The following NCMAP variants were observed in gnomAD, a reference collection of about 807,000 sequenced individuals.
NCMAP encodes noncompact myelin-associated protein.
NCMAP carries 8 observed loss-of-function variants against 7.8 expected under a neutral mutation model. The observed-to-expected ratio is 1.02, with a 90% CI of 0.60 to 1.84. The LOEUF is 1.84. Among genes scored for constraint, NCMAP ranks in the 40% most tolerant of loss-of-function variants. The pLI is 0.00. For missense variants in NCMAP, 112 were observed against 131.4 expected, an observed-to-expected ratio of 0.85 and a Z score of 0.72; for synonymous variants, 41 against 52.9, an observed-to-expected ratio of 0.78 and a Z score of 0.98.
At chr1:24,564,403 G>A (rs1235035720) in intron 1 of NCMAP, among the ~76,000 whole-genome samples, 8 of 150,932 alleles carry the variant, frequency 5.3e-5, no homozygotes, top group African/African-American at 1.2e-4. Flanking sequence ...CCAGCTACTC[G>A]GGAGGCTGAG....
At chr1:24,568,395 A>G (rs111417438) in intron 1 of NCMAP, among the ~76,000 whole-genome samples, 8 of 151,640 alleles carry the variant, frequency 5.3e-5, no homozygotes, top group African/African-American at 1.9e-4. Flanking sequence ...TTCCTCCCTC[A>G]CCTTACTGAC....
chr1:24,570,274 T>A (rs1651350384), intron 1 of NCMAP, among the ~76,000 whole-genome samples: 1 of 150,714 alleles, frequency 6.6e-6, no homozygotes, highest in Non-Finnish European at 1.5e-5. Context: ...ATATGCTTTT[T>A]GCTTAGAAAC....
At chr1:24,593,748 C>T (rs1652122013) in intron 1 of NCMAP, among the ~76,000 whole-genome samples, 1 of 152,048 alleles carries the variant, frequency 6.6e-6, no homozygotes, top group African/African-American at 2.4e-5. Context: ...AATGTAGACC[C>T]TTCGTGGGCT....
In NCMAP at chr1:24,570,767, G is replaced by A. The variant is rs1292845264; in HGVS notation, c.-8+14598G>A. On this transcript the variant is annotated intron_variant, in intron 1 of 3. Transcript: ENST00000374392. ...CCTCCTGGTGATGCAGACCACACAT[G>A]GGGGGAAGGTACATGCCAGGTGCCC... 4.6e-5 allele frequency among the ~76,000 whole-genome samples: 7 copies of A among 150,974 alleles called. 2 individuals are homozygous for A. Among genetic ancestry groups the A allele is most frequent in the African/African-American group, 1.7e-4 (7 of 40,236 alleles).
At chr1:24,589,290 CGTTTGATACTGAA>C (rs111912230) in intron 1 of NCMAP, among the ~76,000 whole-genome samples, 2,098 of 151,846 alleles carry the variant, frequency 0.014, 54 homozygotes, top group African/African-American at 0.048. Flanking sequence ...GTCTTAGGGA[CGTTTGATACTGAA>C]GTGCTCCTGC....
chr1:24,577,268 T>C (rs1157041454), intron 1 of NCMAP, among the ~76,000 whole-genome samples: 3 of 152,134 alleles, frequency 2.0e-5, no homozygotes. Flanking sequence ...AACTCATTAA[T>C]AACAAACACT....
Position 24,597,617 on chromosome 1 carries a change from G to GAA in NCMAP, c.82+2106_82+2107insAA, listed in dbSNP as rs1322815675. Among the ~76,000 whole-genome samples the GAA allele has an allele frequency of 2.0e-3, 173 of 87,516 alleles. 3 individuals are homozygous for GAA. Among genetic ancestry groups the GAA allele is most frequent in the African/African-American group, 6.6e-3 (141 of 21,208 alleles). The allele number at this position is 87,516 out of a possible 152,430, so 57.4% of individuals were successfully genotyped here. On this transcript the variant is annotated intron_variant, in intron 2 of 3. Transcript: ENST00000374392. ...AAGAAGAAAGAAAGAAAGAAAGAAA[G>GAA]AGAAAGAAAGAAAGAAAGAAAGAAA...
intron 1 of NCMAP, among the ~76,000 whole-genome samples, chr1:24,594,823 C>T (rs183282313): frequency 4.5e-4 from 69 of 152,160 alleles, no homozygotes; most frequent in African/African-American, 1.6e-3. Context: ...CCAAGGAGGT[C>T]GAGGCTGCAG....
intron 1 of NCMAP, among the ~76,000 whole-genome samples, chr1:24,575,735 C>A (rs1014737940): frequency 6.6e-6 from 1 of 151,858 alleles, no homozygotes; most frequent in Non-Finnish European, 1.5e-5. Context: ...CACCTGAGGT[C>A]AGGAGTTTGA....
At chr1:24,590,056 T>G (rs1443734506) in intron 1 of NCMAP, among the ~76,000 whole-genome samples, 2 of 152,156 alleles carry the variant, frequency 1.3e-5, no homozygotes, top group Non-Finnish European at 2.9e-5. Context: ...CGCCTTGGCC[T>G]CCCAAAGTGC....
intron 1 of NCMAP, among the ~76,000 whole-genome samples, chr1:24,562,900 G>T (rs888755990): frequency 1.3e-5 from 2 of 152,214 alleles, no homozygotes; most frequent in African/African-American, 4.8e-5. Flanking sequence ...GAAGCTTCCT[G>T]CCCTGGGGCT....
intron 2 of NCMAP, among the ~76,000 whole-genome samples, chr1:24,599,768 G>C (rs1307481515): frequency 7.2e-6 from 1 of 138,626 alleles, no homozygotes; most frequent in Non-Finnish European, 1.5e-5. Context: ...AGTAGAGACA[G>C]GGTTTCCCCA....
At position 24,605,591 on chromosome 1, in the gene NCMAP, A is replaced by T; in HGVS notation, c.168-15A>T. ...AGGGGAAAGACTCAACCATGTGCAC[A>T]TTATCTCCCTACAGGAAAATGAGGA... is the stretch of plus-strand genomic sequence containing the variant. On this transcript the variant is annotated splice_polypyrimidine_tract_variant and intron_variant, in intron 3 of 3. Transcript: ENST00000374392. 6.2e-7 allele frequency: 1 copy of T among 1,613,886 alleles called. No individual in the cohort carries two copies. Among genetic ancestry groups the T allele is most frequent in the Non-Finnish European group, 8.5e-7 (1 of 1,179,798 alleles).
intron 1 of NCMAP, among the ~76,000 whole-genome samples, chr1:24,567,805 G>A (rs1651271087): frequency 6.6e-6 from 1 of 152,158 alleles, no homozygotes; most frequent in African/African-American, 2.4e-5. Context: ...CAAACCTTGG[G>A]AAAACTCAAT....
In NCMAP at chr1:24,590,199, T is replaced by C. The variant is rs890991385; in HGVS notation, c.-7-5225T>C. On this transcript the variant is annotated intron_variant, in intron 1 of 3. Coordinates refer to ENST00000374392, the MANE Select transcript of NCMAP (RefSeq NM_001010980.5). ...GCATTTTGCTAGTTGAATCAGGGCATGGATAGAAAATATCTGTCACAAGGT... is the reference window on the plus strand; with the variant it reads ...GCATTTTGCTAGTTGAATCAGGGCACGGATAGAAAATATCTGTCACAAGGT... Among the ~76,000 whole-genome samples, 7 of 152,216 alleles carry C rather than the reference T, an allele frequency of 4.6e-5. No individual in the cohort carries two copies. In the South Asian group the frequency reaches 1.2e-3, roughly 27 times the overall value.
chr1:24,597,617 G>GAAAGGA (rs1322815675), intron 2 of NCMAP, among the ~76,000 whole-genome samples: 4 of 87,482 alleles, frequency 4.6e-5, no homozygotes, highest in African/African-American at 1.4e-4. Context: ...AAGAAAGAAA[G>GAAAGGA]AGAAAGAAAG....
At position 24,607,542 on chromosome 1, in the gene NCMAP, T is replaced by C. The variant is rs1441562655; in HGVS notation, c.*1795T>C. On this transcript the variant is annotated 3_prime_UTR_variant, in exon 4 of 4. Coordinates refer to ENST00000374392, the MANE Select transcript of NCMAP (RefSeq NM_001010980.5). ...CACACTTTGACATTTAACCTCAAAT[T>C]TTAGGAGTCTCTCCCTCTTGGGGTC... is the stretch of plus-strand genomic sequence containing the variant. The C allele has an allele frequency of 6.6e-6, 1 of 152,166 alleles. No individual in the cohort carries two copies. Among genetic ancestry groups the C allele is most frequent in the African/African-American group, 2.4e-5 (1 of 41,426 alleles). The allele number at this position is 152,166 out of a possible 1,614,324, so 9.4% of individuals were successfully genotyped here.
In NCMAP at chr1:24,595,454, G is replaced by A; in HGVS notation, c.24G>A (p.Gly8=). 6.2e-7 allele frequency: 1 copy of A among 1,613,936 alleles called. No individual in the cohort carries two copies. Among genetic ancestry groups the A allele is most frequent in the East Asian group, 2.2e-5 (1 of 44,882 alleles). ...AGATGACCACAGCCACCCCTCTGGG[G>A]GATACCACCTTCTTCTCACTGAACA... is the stretch of plus-strand genomic sequence containing the variant. MTTATPL[G]DTTFFSLNMT... Residue 8 remains glycine, a synonymous_variant, in exon 2 of 4, where the codon GGG becomes GGA. Transcript: ENST00000374392.
At chr1:24,601,937 A>C (rs9659347) in intron 3 of NCMAP, among the ~76,000 whole-genome samples, 4,522 of 151,990 alleles carry the variant, frequency 0.03, 231 homozygotes, top group African/African-American at 0.1. Flanking sequence ...GCTACTCGGG[A>C]GGCTGAGGCA....
Sources: allele counts gnomAD v4.1 joint callset (sites outside exome capture counted in the v4.1 genomes callset), GRCh38; gene constraint gnomAD v4.1.1; transcripts MANE v1.5; gene names NCBI Gene and HGNC (gene_info 2026-07-23, HGNC 2026-07-21).